The following CALCRL variants were observed in gnomAD, a reference collection of about 807,000 sequenced individuals.
CALCRL encodes calcitonin receptor like receptor, also known as calcitonin gene-related peptide type 1 receptor.
In CALCRL, 27 loss-of-function variants were observed where a neutral mutation model predicts 60.4. The observed-to-expected ratio is 0.45, with a 90% CI of 0.33 to 0.62. CALCRL has a LOEUF of 0.62. CALCRL is among the 20% of genes least tolerant of loss of function. The pLI, the probability that CALCRL is intolerant of heterozygous loss-of-function variation, is 0.03. For missense variants in CALCRL, 424 were observed against 540.7 expected (o/e 0.78, Z 2.14); for synonymous variants, 190 against 182.6 (o/e 1.04, Z -0.33).
chr2:187,431,731 C>G (rs747099527), intron 1 of CALCRL, among the ~76,000 whole-genome samples: 4 of 150,050 alleles, frequency 2.7e-5, no homozygotes, highest in Non-Finnish European at 4.4e-5. Flanking sequence ...TATGGTAGTC[C>G]CTGCTCTCAT....
At chr2:187,363,629 A>C in intron 8 of CALCRL, 127 bp from the exon 9 acceptor site, 1 of 976,418 alleles carries the variant, frequency 1.0e-6, no homozygotes, top group South Asian at 2.0e-5. Context: ...TTTTCTCCCT[A>C]AGATCCACTC....
intron 8 of CALCRL, 70 bp from the exon 9 acceptor site, chr2:187,363,572 A>G (rs1442357413): frequency 2.1e-6 from 3 of 1,398,744 alleles, no homozygotes; most frequent in Non-Finnish European, 2.9e-6. Context: ...TTCAAATAAG[A>G]TACATTCCCA....
intron 12 of CALCRL, among the ~76,000 whole-genome samples, chr2:187,355,458 A>C (rs939155461): frequency 6.6e-6 from 1 of 152,132 alleles, no homozygotes; most frequent in South Asian, 2.1e-4. Flanking sequence ...AATAAATTCT[A>C]TAAGAATGGC....
At chr2:187,371,114 C>A (rs1372182368) in intron 8 of CALCRL, among the ~76,000 whole-genome samples, 1 of 151,958 alleles carries the variant, frequency 6.6e-6, no homozygotes, top group Non-Finnish European at 1.5e-5. Flanking sequence ...TGGTGGCGGG[C>A]TCCTGCATAG....
chr2:187,424,275 A>C (rs757087720), intron 1 of CALCRL, among the ~76,000 whole-genome samples: 63 of 152,066 alleles, frequency 4.1e-4, no homozygotes, highest in Admixed American at 2.0e-4. Context: ...TTTTAGATTC[A>C]GCATATTAAA....
intron 1 of CALCRL, among the ~76,000 whole-genome samples, chr2:187,401,698 C>T (rs1688894012): frequency 6.6e-6 from 1 of 151,512 alleles, no homozygotes; most frequent in Non-Finnish European, 1.5e-5. Context: ...AGGAGTGGAG[C>T]ACTGACAATT....
intron 1 of CALCRL, among the ~76,000 whole-genome samples, chr2:187,393,747 T>A (rs1688545569): frequency 6.6e-6 from 1 of 152,086 alleles, no homozygotes; most frequent in South Asian, 2.1e-4. Context: ...CTATTATAAT[T>A]TTCTGAGTCA....
At chr2:187,382,800 A>G (rs145813495) in intron 5 of CALCRL, among the ~76,000 whole-genome samples, 40 of 152,244 alleles carry the variant, frequency 2.6e-4, no homozygotes, top group South Asian at 1.0e-3. Context: ...TGTATTCATT[A>G]TATTATTAGG....
In CALCRL at chr2:187,383,548, T is replaced by A. The variant is rs114302912; in HGVS notation, c.52-243A>T. Among the ~76,000 whole-genome samples, 1,057 of 152,244 alleles carry A rather than the reference T, an allele frequency of 6.9e-3. 13 individuals carry two copies. Among genetic ancestry groups the A allele is most frequent in the Admixed American group, 6.9e-3 (105 of 15,294 alleles). On this transcript the variant is annotated intron_variant, in intron 4 of 14. Coordinates refer to ENST00000392370, the MANE Select transcript of CALCRL (RefSeq NM_005795.6). ...CCATTGGCAGAGTGGGAAACCACAG[T>A]TGGTTCTCAGAAGCCTGTGGTAGCC...
intron 8 of CALCRL, among the ~76,000 whole-genome samples, chr2:187,368,972 T>C (rs960612036): frequency 1.3e-5 from 2 of 152,142 alleles, no homozygotes; most frequent in Non-Finnish European, 2.9e-5. Flanking sequence ...GAAGTAGATA[T>C]AACCTCTTTC....
In CALCRL at chr2:187,379,005, G is replaced by T; in HGVS notation, c.435C>A (p.Thr145=). Residue 145 remains threonine (T), a synonymous_variant, in exon 8 of 15, where the codon ACC becomes ACA. Transcript: ENST00000392370. ...CAATAGACAATCCGTGTCCAATTAT[G>T]GTCAGGTAAAACAAATTTAGTGCAG... ...VKTALNLFYL[T]IIGHGLSIAS... is the part of the protein sequence containing the mutation. 6.2e-7 allele frequency: 1 copy of T among 1,606,604 alleles called. No homozygotes were observed. The highest frequency in any genetic ancestry group is 2.2e-5 in the East Asian group (1 of 44,700).
intron 1 of CALCRL, among the ~76,000 whole-genome samples, chr2:187,391,266 C>G (rs2105802474): frequency 6.6e-6 from 1 of 152,296 alleles, no homozygotes; most frequent in Middle Eastern, 3.4e-3. Flanking sequence ...TATATCTTCA[C>G]TAAAATACAA....
intron 8 of CALCRL, among the ~76,000 whole-genome samples, chr2:187,365,353 G>T (rs1413070884): frequency 6.6e-6 from 1 of 152,084 alleles, no homozygotes; most frequent in Non-Finnish European, 1.5e-5. Context: ...ATTTTAAAAT[G>T]CCTGCTTTGA....
At chr2:187,385,718 T>G (rs939144516) in intron 3 of CALCRL, 87 bp from the exon 4 acceptor site, 4 of 689,536 alleles carry the variant, frequency 5.8e-6, no homozygotes, top group Middle Eastern at 3.4e-4. Flanking sequence ...ATTTTAAAAC[T>G]ACACAATAAT....
intron 1 of CALCRL, among the ~76,000 whole-genome samples, chr2:187,393,880 A>C (rs796961866): frequency 2.0e-5 from 3 of 152,192 alleles, no homozygotes; most frequent in African/African-American, 7.2e-5. Flanking sequence ...GCTAGGGTTG[A>C]GGATACCTGG....
At chr2:187,429,426 T>A (rs1690303021) in intron 1 of CALCRL, among the ~76,000 whole-genome samples, 1 of 152,072 alleles carries the variant, frequency 6.6e-6, no homozygotes, top group Non-Finnish European at 1.5e-5. Flanking sequence ...CACAGAAAAA[T>A]CTTCTCAGTT....
chr2:187,344,112 G>T lies in CALCRL; in HGVS notation c.*2072C>A, dbSNP rs534954276. 6.6e-6 allele frequency: 1 copy of T among 151,486 alleles called. No homozygotes were observed. The highest frequency in any genetic ancestry group is 1.5e-5 in the Non-Finnish European group (1 of 67,620). The allele number at this position is 151,486 out of a possible 1,614,324, so 9.4% of individuals were successfully genotyped here. On this transcript the variant is annotated 3_prime_UTR_variant, in exon 15 of 15. Transcript: ENST00000392370. ...TGGTCAGCAAAGGATTTAAATATGG[G>T]TCTTTGAATAATAAATAGCTAATAA...
intron 1 of CALCRL, among the ~76,000 whole-genome samples, chr2:187,441,548 G>C (rs767330578): frequency 2.6e-5 from 4 of 151,822 alleles, no homozygotes; most frequent in Admixed American, 6.6e-5. Context: ...CACCTCATAA[G>C]TACCTCTTAT....
chr2:187,427,093 C>CG (rs1395264418), intron 1 of CALCRL, among the ~76,000 whole-genome samples: 1 of 152,034 alleles, frequency 6.6e-6, no homozygotes, highest in East Asian at 1.9e-4. Context: ...TGATACAACA[C>CG]TTGTGTTTTT....
Sources: allele counts gnomAD v4.1 joint callset (sites outside exome capture counted in the v4.1 genomes callset), GRCh38; gene constraint gnomAD v4.1.1; transcripts MANE v1.5; gene names NCBI Gene and HGNC (gene_info 2026-07-23, HGNC 2026-07-21).